The following PTPRD variants were observed in gnomAD, a reference collection of about 807,000 sequenced individuals.
The protein encoded by PTPRD is protein tyrosine phosphatase receptor type D, also known as receptor-type tyrosine-protein phosphatase delta.
PTPRD carries 34 observed loss-of-function variants against 214.5 expected under a neutral mutation model. That is an observed-to-expected ratio of 0.16 (90% confidence interval 0.12 to 0.21). PTPRD has a LOEUF of 0.21. Ranked by LOEUF, PTPRD falls within the 10% of genes least tolerant of loss-of-function variation. The pLI is 1.00. For synonymous variants in PTPRD, 1,128 were observed against 845.7 expected, an observed-to-expected ratio of 1.33 and a Z score of -5.79; for missense variants, 2,545 against 2,398.7, an observed-to-expected ratio of 1.06 and a Z score of -1.27.
At chr9:10,052,753 ATTCT>A (rs1292273017) in intron 3 of PTPRD, among the ~76,000 whole-genome samples, 1 of 151,974 alleles carries the variant, frequency 6.6e-6, no homozygotes, top group African/African-American at 2.4e-5. Context: ...TTCTATCGAA[ATTCT>A]TTCTTTCTTC....
chr9:9,760,657 T>TAC (rs745325188), intron 6 of PTPRD, among the ~76,000 whole-genome samples: 1 of 144,856 alleles, frequency 6.9e-6, no homozygotes, highest in Non-Finnish European at 1.5e-5. Flanking sequence ...CACACACATA[T>TAC]ATATATATAT....
At chr9:10,210,362 T>C (rs891058362) in intron 3 of PTPRD, among the ~76,000 whole-genome samples, 8 of 152,080 alleles carry the variant, frequency 5.3e-5, no homozygotes, top group Non-Finnish European at 1.0e-4. Flanking sequence ...GAAAACACAA[T>C]TGAGGCATTT....
intron 10 of PTPRD, among the ~76,000 whole-genome samples, chr9:9,102,042 C>T (rs953151863): frequency 1.3e-5 from 2 of 152,090 alleles, no homozygotes; most frequent in African/African-American, 4.8e-5. Flanking sequence ...GACCATCTGT[C>T]AAGATAAGAA....
intron 8 of PTPRD, among the ~76,000 whole-genome samples, chr9:9,431,261 C>T (rs2082989836): frequency 6.6e-6 from 1 of 152,204 alleles, no homozygotes; most frequent in East Asian, 1.9e-4. Context: ...ACAAACACTT[C>T]TCAAAAGAAG....
At chr9:9,682,311 T>C (rs1490047978) in intron 7 of PTPRD, among the ~76,000 whole-genome samples, 2 of 151,782 alleles carry the variant, frequency 1.3e-5, no homozygotes, top group South Asian at 2.1e-4. Flanking sequence ...CTCTTTCCCA[T>C]TCTACCAAAG....
intron 10 of PTPRD, among the ~76,000 whole-genome samples, chr9:9,046,321 T>G (rs930926614): frequency 2.6e-5 from 4 of 152,170 alleles, no homozygotes; most frequent in African/African-American, 9.6e-5. Flanking sequence ...CAGCAACATG[T>G]GATTTAAACA....
At chr9:9,324,156 G>A (rs748932125) in intron 9 of PTPRD, among the ~76,000 whole-genome samples, 7 of 152,184 alleles carry the variant, frequency 4.6e-5, no homozygotes, top group Non-Finnish European at 1.0e-4. Flanking sequence ...ACATACGTGT[G>A]CATGTGTCTT....
At chr9:8,727,114 A>G (rs999555957) in intron 12 of PTPRD, among the ~76,000 whole-genome samples, 7 of 152,200 alleles carry the variant, frequency 4.6e-5, no homozygotes, top group Non-Finnish European at 1.5e-5. Context: ...AGACTATTAC[A>G]AATAATAAGA....
At chr9:9,708,257 G>C (rs770694815) in intron 7 of PTPRD, among the ~76,000 whole-genome samples, 1 of 152,024 alleles carries the variant, frequency 6.6e-6, no homozygotes, top group South Asian at 2.1e-4. Context: ...GATGCATTCA[G>C]CTATGTGTTT....
intron 12 of PTPRD, among the ~76,000 whole-genome samples, chr9:8,714,351 T>C (rs1414806518): frequency 1.3e-5 from 2 of 152,194 alleles, no homozygotes; most frequent in Non-Finnish European, 2.9e-5. Flanking sequence ...CACGGCCTCC[T>C]TTATTCTGCC....
chr9:9,016,725 T>G (rs1447519878), intron 11 of PTPRD, among the ~76,000 whole-genome samples: 1 of 152,138 alleles, frequency 6.6e-6, no homozygotes, highest in Non-Finnish European at 1.5e-5. Context: ...CTTTGCAAAG[T>G]CATTTGGGTG....
intron 35 of PTPRD, among the ~76,000 whole-genome samples, chr9:8,430,098 C>T (rs771149030): frequency 6.6e-6 from 1 of 151,984 alleles, no homozygotes; most frequent in Non-Finnish European, 1.5e-5. Flanking sequence ...CAACCCACAC[C>T]ACAAAATGTA....
At chr9:10,371,189 T>C (rs146981256) in intron 2 of PTPRD, among the ~76,000 whole-genome samples, 89 of 152,092 alleles carry the variant, frequency 5.9e-4, no homozygotes, top group African/African-American at 2.0e-3. Context: ...ATGTTAGATA[T>C]TGTCCACTGA....
chr9:8,397,680 T>C lies in PTPRD; in HGVS notation c.4210+6857A>G, dbSNP rs10977041. Among the ~76,000 whole-genome samples the C allele has an allele frequency of 3.5e-3, 531 of 152,248 alleles. 3 individuals carry two copies. The highest frequency in any genetic ancestry group is 5.5e-3 in the Non-Finnish European group (372 of 68,018). On this transcript the variant is annotated intron_variant, in intron 36 of 45. Coordinates refer to ENST00000381196, the MANE Select transcript of PTPRD (RefSeq NM_002839.4). The stretch of plus-strand genomic sequence containing the variant: ...AAGACACAACTGAAACCTAGAGCAC[T>C]AGTGTGGTGGCAAATGGTGGATAAC...
intron 12 of PTPRD, among the ~76,000 whole-genome samples, chr9:8,716,473 A>G (rs574838172): frequency 1.2e-4 from 19 of 152,358 alleles, no homozygotes; most frequent in Non-Finnish European, 8.8e-5. Flanking sequence ...CCTATTGTTA[A>G]GCACAGAAAT....
At chr9:10,003,512 G>A (rs947753463) in intron 4 of PTPRD, among the ~76,000 whole-genome samples, 2 of 151,570 alleles carry the variant, frequency 1.3e-5, no homozygotes, top group Non-Finnish European at 3.0e-5. Flanking sequence ...AAAAAGGGCC[G>A]AGATGGTATA....
intron 35 of PTPRD, among the ~76,000 whole-genome samples, chr9:8,430,060 G>A (rs978557442): frequency 6.6e-6 from 1 of 152,070 alleles, no homozygotes; most frequent in Admixed American, 6.5e-5. Flanking sequence ...TGCTGTTGTT[G>A]TAACTACTTA....
At position 10,348,443 on chromosome 9, in the gene PTPRD, G is replaced by A. The variant is rs1166850389; in HGVS notation, c.-599-7426C>T. Among the ~76,000 whole-genome samples, 10 of 152,220 alleles carry A rather than the reference G, an allele frequency of 6.6e-5. No individual in the cohort carries two copies. In the East Asian group the frequency reaches 1.2e-3, roughly 18 times the overall value. On this transcript the variant is annotated intron_variant, in intron 2 of 45. Coordinates refer to ENST00000381196, the MANE Select transcript of PTPRD (RefSeq NM_002839.4). ...GGTTGACAAGCATATGCTGCAAGCGGTAAAACACTGCCCCTTACGTGGTGC... is the reference window on the plus strand; with the variant it reads ...GGTTGACAAGCATATGCTGCAAGCGATAAAACACTGCCCCTTACGTGGTGC...
At chr9:9,496,110 C>T (rs184907129) in intron 8 of PTPRD, among the ~76,000 whole-genome samples, 59 of 151,998 alleles carry the variant, frequency 3.9e-4, no homozygotes, top group African/African-American at 1.4e-3. Context: ...GCAAAGGGGC[C>T]GAGAAAAATC....
Sources: gnomAD v4.1 joint callset for allele counts (sites outside exome capture counted in the v4.1 genomes callset) on GRCh38, gnomAD v4.1.1 for gene constraint, MANE v1.5 for transcripts, NCBI Gene and HGNC (gene_info 2026-07-23, HGNC 2026-07-21) for gene names.